LY9: variants seen among roughly 807,000 people sequenced by gnomAD.
LY9 encodes lymphocyte antigen 9, also known as T-lymphocyte surface antigen Ly-9.
In LY9, 59 loss-of-function variants were observed where a neutral mutation model predicts 64.6. The ratio of observed to expected loss-of-function variants is 0.91; its 90% confidence interval spans 0.74 to 1.13. LY9 has a LOEUF of 1.13. LY9 is among the 50% of genes most tolerant of loss of function. The pLI is 0.00. For missense variants in LY9, 789 were observed against 797.2 expected (o/e 0.99, Z 0.12); for synonymous variants, 281 against 308.5 (o/e 0.91, Z 0.93).
intron 2 of LY9, among the ~76,000 whole-genome samples, chr1:160,803,598 G>T (rs1480552356): frequency 1.3e-5 from 2 of 152,020 alleles, no homozygotes; most frequent in Non-Finnish European, 2.9e-5. Context: ...ATAATTATTG[G>T]TGTATAGAAA....
intron 2 of LY9, among the ~76,000 whole-genome samples, chr1:160,804,183 G>A (rs1666756241): frequency 6.6e-6 from 1 of 152,172 alleles, no homozygotes; most frequent in East Asian, 1.9e-4. Flanking sequence ...TCAGAAGAAA[G>A]GCTTTCAGCT....
At chr1:160,806,316 C>T (rs1381427266) in intron 2 of LY9, among the ~76,000 whole-genome samples, 1 of 152,134 alleles carries the variant, frequency 6.6e-6, no homozygotes, top group Non-Finnish European at 1.5e-5. Flanking sequence ...AGTCCTTTCT[C>T]TTCACCCTTT....
chr1:160,796,389 C>T lies in LY9; in HGVS notation c.124+78C>T, dbSNP rs1008619865. The stretch of plus-strand genomic sequence containing the variant: ...AGTTGCATTCCCTGCCTGGGAGATT[C>T]TTTTTTTTGTTTTTTGTTTTTTTTA... On this transcript the variant is annotated intron_variant, in intron 1 of 9. Coordinates refer to ENST00000263285, the MANE Select transcript of LY9 (RefSeq NM_002348.4). 2.8e-6 allele frequency: 4 copies of T among 1,416,772 alleles called. 1 individual carries two copies. Among genetic ancestry groups the T allele is most frequent in the South Asian group, 2.7e-5 (2 of 73,526 alleles). The allele number at this position is 1,416,772 out of a possible 1,614,324, so 87.8% of individuals were successfully genotyped here.
At chr1:160,798,625 C>G (rs1331690989) in intron 1 of LY9, among the ~76,000 whole-genome samples, 1 of 152,128 alleles carries the variant, frequency 6.6e-6, no homozygotes, top group African/African-American at 2.4e-5. Context: ...GCTGCCTCTC[C>G]ACAAGGTGCA....
At chr1:160,802,500 G>T (rs371773743) in intron 2 of LY9, 2 of 985,606 alleles carry the variant, frequency 2.0e-6, no homozygotes, top group African/African-American at 3.5e-5. Context: ...CCAACCCTGC[G>T]GGCCGCGCCA....
intron 9 of LY9, chr1:160,824,460 T>G: frequency 2.0e-6 from 2 of 985,082 alleles, no homozygotes; most frequent in Non-Finnish European, 2.4e-6. Context: ...TTCTAATTGA[T>G]TTAATAATAT....
intron 9 of LY9, chr1:160,824,685 T>C (rs1668747229): frequency 3.1e-6 from 3 of 981,302 alleles, no homozygotes; most frequent in Non-Finnish European, 3.6e-6. Flanking sequence ...ATTCTAGTGT[T>C]TAAAAAAATC....
Position 160,827,670 on chromosome 1 carries a change from C to T in LY9, c.1900-78C>T, listed in dbSNP as rs963143772. The stretch of plus-strand genomic sequence containing the variant: ...GTAGGATGGACCAGTCATAGCCTGG[C>T]CTTGCCTTCCTCTTTCATCAGCCTC... On this transcript the variant is annotated intron_variant, in intron 9 of 9. Coordinates refer to ENST00000263285, the MANE Select transcript of LY9 (RefSeq NM_002348.4). The T allele has an allele frequency of 3.5e-5, 40 of 1,141,444 alleles. No individual in the cohort carries two copies. The African/African-American group carries it at 5.5e-4, about 16-fold the overall frequency. 70.7% of individuals were successfully genotyped at this position (1,141,444 alleles called of 1,614,324 possible).
intron 2 of LY9, among the ~76,000 whole-genome samples, chr1:160,808,814 C>A (rs1445879578): frequency 6.6e-6 from 1 of 152,042 alleles, no homozygotes; most frequent in African/African-American, 2.4e-5. Flanking sequence ...ATTTCGAAGC[C>A]CCTTCTCTTG....
Position 160,824,215 on chromosome 1 carries a change from C to T in LY9, c.1865C>T (p.Ser622Leu), listed in dbSNP as rs754330271. ...CCAGTTTCTCAGAAGGAAGAGAGCT[C>T]AGCCACAATCTACTGCTCCATACGG... Reference protein sequence around the residue: ...KTPVSQKEESSATIYCSIRKP... With the variant: ...KTPVSQKEESLATIYCSIRKP... Residue 622 changes from serine to leucine, a missense_variant, in exon 9 of 10, where the codon TCA (serine) becomes TTA (leucine). Ser to Leu is a moderately radical substitution (Grantham distance 145). Transcript: ENST00000263285. 22 of 1,614,040 alleles carry T rather than the reference C, an allele frequency of 1.4e-5. No individual in the cohort carries two copies. Among genetic ancestry groups the T allele is most frequent in the Non-Finnish European group, 1.9e-5 (22 of 1,180,026 alleles).
intron 2 of LY9, chr1:160,801,820 T>C: frequency 6.2e-7 from 1 of 1,614,114 alleles, no homozygotes; most frequent in Middle Eastern, 1.6e-4. Context: ...TCCGTCCACG[T>C]CATCGAGGGT....
At chr1:160,812,330 A>G (rs1458164587) in intron 2 of LY9, 2 of 152,230 alleles carry the variant, frequency 1.3e-5, no homozygotes, top group Non-Finnish European at 2.9e-5. Flanking sequence ...ATATAGTTCT[A>G]TCTTCAAATA....
At chr1:160,800,733 T>C (rs112642498) in intron 2 of LY9, among the ~76,000 whole-genome samples, 230 of 152,316 alleles carry the variant, frequency 1.5e-3, no homozygotes, top group African/African-American at 5.1e-3. Flanking sequence ...CCGCTATCCA[T>C]TATTCCTACT....
At chr1:160,806,084 T>C (rs1023121268) in intron 2 of LY9, among the ~76,000 whole-genome samples, 1 of 152,116 alleles carries the variant, frequency 6.6e-6, no homozygotes, top group Non-Finnish European at 1.5e-5. Flanking sequence ...TGAATTTTCA[T>C]GTAATTAACA....
Position 160,827,814 on chromosome 1 carries a change from T to G in LY9, c.1966T>G (p.Ter656GlyextTer59), listed in dbSNP as rs147723738. The change falls in exon 10 of 10, where the codon TGA becomes GGA. Residue 656 changes from the stop codon to glycine, a stop_lost. Coordinates refer to ENST00000263285, the MANE Select transcript of LY9 (RefSeq NM_002348.4). ...PESPTYENFT[*>G] Reference sequence around the variant, plus strand: ...AAGTCCTACCTATGAAAATTTCACCTGAAAGGAAAAGCAGCTGCTGCCTCT... The same window carrying G: ...AAGTCCTACCTATGAAAATTTCACCGGAAAGGAAAAGCAGCTGCTGCCTCT... The G allele has an allele frequency of 8.6e-5, 138 of 1,605,710 alleles. No homozygotes were observed. The African/African-American group carries it at 1.2e-3, about 14-fold the overall frequency.
In LY9 at chr1:160,801,711, A is replaced by G. The variant is rs1666493511; in HGVS notation, c.454+1629A>G. ...GTCTTACATTCAAGTCTTTTAACTG[A>G]TTTTGAGGAGGTTTTTTATATGATG... On this transcript the variant is annotated intron_variant, in intron 2 of 9. Transcript: ENST00000263285. The G allele has an allele frequency of 1.4e-5, 16 of 1,135,208 alleles. No homozygotes were observed. The South Asian group carries it at 2.1e-4, about 15-fold the overall frequency. The allele number at this position is 1,135,208 out of a possible 1,614,324, so 70.3% of individuals were successfully genotyped here. A position where few individuals can be genotyped will look rare whatever the true frequency, so the allele number is the denominator to read the frequency against.
chr1:160,825,596 A>G (rs1464750671), intron 9 of LY9, among the ~76,000 whole-genome samples: 1 of 152,112 alleles, frequency 6.6e-6, no homozygotes, highest in Non-Finnish European at 1.5e-5. Context: ...TCCCTATAAC[A>G]TATTCAAAAA....
At chr1:160,803,292 T>A (rs949334232) in intron 2 of LY9, among the ~76,000 whole-genome samples, 235 of 150,212 alleles carry the variant, frequency 1.6e-3, no homozygotes, top group Admixed American at 8.5e-3. Context: ...AAAAAAAAAT[T>A]TTTTTTTTTA....
chr1:160,817,454 A>G (rs1211049889), intron 5 of LY9, among the ~76,000 whole-genome samples: 2 of 152,230 alleles, frequency 1.3e-5, no homozygotes, highest in African/African-American at 4.8e-5. Flanking sequence ...TGGCTACCAT[A>G]TTGAACAGCA....
Sources: allele counts gnomAD v4.1 joint callset (sites outside exome capture counted in the v4.1 genomes callset), GRCh38; gene constraint gnomAD v4.1.1; transcripts MANE v1.5; gene names NCBI Gene and HGNC (gene_info 2026-07-23, HGNC 2026-07-21).